The following DCC variants were observed in gnomAD, a reference collection of about 807,000 sequenced individuals.
DCC encodes the protein DCC netrin 1 receptor.
Under a neutral mutation model 172.5 loss-of-function variants are expected in DCC, and 58 were observed. The observed-to-expected ratio is 0.34, with a 90% CI of 0.27 to 0.42. The LOEUF (loss-of-function observed/expected upper bound fraction) is 0.42. Among genes scored for constraint, DCC ranks in the 10% least tolerant of loss-of-function variants. The pLI, the probability that DCC is intolerant of heterozygous loss-of-function variation, is 1.00. For missense variants in DCC, 1,740 were observed against 1,791.0 expected (o/e 0.97, Z 0.51); for synonymous variants, 709 against 644.5 (o/e 1.10, Z -1.52).
chr18:52,959,999 C>T (rs2040816066), intron 5 of DCC, among the ~76,000 whole-genome samples: 1 of 152,010 alleles, frequency 6.6e-6, no homozygotes, highest in Admixed American at 6.6e-5. Flanking sequence ...ATGCTAGACA[C>T]TGAAATTACC....
intron 2 of DCC, among the ~76,000 whole-genome samples, chr18:52,859,395 C>T (rs935046540): frequency 2.0e-5 from 3 of 152,046 alleles, no homozygotes; most frequent in Admixed American, 6.6e-5. Flanking sequence ...CATACACATG[C>T]GGAGGACCAC....
chr18:53,130,816 C>A (rs1382087555), intron 7 of DCC, among the ~76,000 whole-genome samples: 1 of 151,958 alleles, frequency 6.6e-6, no homozygotes, highest in Admixed American at 6.6e-5. Context: ...TTCCATAATC[C>A]TTGATTATGT....
intron 2 of DCC, among the ~76,000 whole-genome samples, chr18:52,877,724 G>A (rs1334989757): frequency 2.0e-5 from 3 of 151,578 alleles, no homozygotes; most frequent in Admixed American, 1.3e-4. Context: ...AATTAGTAAA[G>A]TTTTGGTAAC....
At chr18:52,571,976 A>G (rs2033307635) in intron 1 of DCC, among the ~76,000 whole-genome samples, 1 of 152,202 alleles carries the variant, frequency 6.6e-6, no homozygotes, top group Non-Finnish European at 1.5e-5. Flanking sequence ...CACACATAGA[A>G]CATATATATG....
intron 2 of DCC, among the ~76,000 whole-genome samples, chr18:52,842,684 G>C (rs2038826666): frequency 6.6e-6 from 1 of 152,084 alleles, no homozygotes; most frequent in African/African-American, 2.4e-5. Flanking sequence ...GGAGATGATG[G>C]GGTCCAGGAC....
chr18:53,480,433 T>G (rs969300338), intron 25 of DCC, among the ~76,000 whole-genome samples: 2 of 152,214 alleles, frequency 1.3e-5, no homozygotes, highest in African/African-American at 2.4e-5. Context: ...ATCTTTCTCA[T>G]GTCAAAAATC....
At chr18:53,114,431 A>G (rs2043380829) in intron 7 of DCC, among the ~76,000 whole-genome samples, 1 of 151,652 alleles carries the variant, frequency 6.6e-6, no homozygotes, top group African/African-American at 2.4e-5. Flanking sequence ...TCACATAAAA[A>G]AGTAATAGAG....
intron 6 of DCC, 128 bp downstream of exon 6, chr18:53,063,587 A>T (rs2144081637): frequency 2.8e-6 from 2 of 726,904 alleles, no homozygotes; most frequent in Admixed American, 2.7e-5. Context: ...TAAAAAAGTT[A>T]TTCAAATAAA....
intron 8 of DCC, among the ~76,000 whole-genome samples, chr18:53,174,703 G>A (rs1216144587): frequency 1.4e-5 from 2 of 146,364 alleles, no homozygotes; most frequent in African/African-American, 5.0e-5. Context: ...CAACCAAAAA[G>A]AGTCCAGGAC....
intron 1 of DCC, among the ~76,000 whole-genome samples, chr18:52,458,979 A>G (rs956914958): frequency 2.6e-5 from 4 of 152,158 alleles, no homozygotes; most frequent in African/African-American, 7.2e-5. Flanking sequence ...AACTTCTTCT[A>G]TACTAGGCCA....
intron 14 of DCC, among the ~76,000 whole-genome samples, chr18:53,333,488 G>A (rs1332354708): frequency 6.6e-6 from 1 of 152,242 alleles, no homozygotes; most frequent in Non-Finnish European, 1.5e-5. Context: ...ATAGCAGGCA[G>A]TATGTGGTGG....
chr18:52,587,042 G>A (rs999471432), intron 1 of DCC, among the ~76,000 whole-genome samples: 4 of 152,224 alleles, frequency 2.6e-5, no homozygotes, highest in African/African-American at 9.6e-5. Flanking sequence ...AGCACTGGGT[G>A]CAGGATAATC....
At chr18:53,346,458 T>C (rs2057726549) in intron 15 of DCC, among the ~76,000 whole-genome samples, 1 of 152,204 alleles carries the variant, frequency 6.6e-6, no homozygotes, top group Admixed American at 6.5e-5. Flanking sequence ...ACAACTGTGA[T>C]GTTTTCTTTC....
At chr18:52,711,153 CTATT>C (rs1328672089) in intron 1 of DCC, among the ~76,000 whole-genome samples, 7 of 152,046 alleles carry the variant, frequency 4.6e-5, no homozygotes, top group African/African-American at 1.7e-4. Context: ...TCCTACAGAC[CTATT>C]TATTTATTTA....
At chr18:53,099,154 T>C (rs938427709) in intron 7 of DCC, among the ~76,000 whole-genome samples, 2 of 152,162 alleles carry the variant, frequency 1.3e-5, no homozygotes, top group Non-Finnish European at 2.9e-5. Context: ...TACTAATAAG[T>C]TGCCAAATGG....
At chr18:52,482,444 C>T (rs1231936685) in intron 1 of DCC, among the ~76,000 whole-genome samples, 3 of 152,120 alleles carry the variant, frequency 2.0e-5, no homozygotes, top group Admixed American at 1.3e-4. Context: ...GTGTAAACAA[C>T]GAACATGTAC....
chr18:53,075,076 T>C (rs541087780), intron 7 of DCC, among the ~76,000 whole-genome samples: 23 of 149,554 alleles, frequency 1.5e-4, no homozygotes, highest in Non-Finnish European at 2.7e-4. Flanking sequence ...AAATGATAGC[T>C]TTCTTCTAGC....
intron 18 of DCC, among the ~76,000 whole-genome samples, chr18:53,399,602 A>T (rs1909175070): frequency 6.6e-6 from 1 of 152,096 alleles, no homozygotes; most frequent in Non-Finnish European, 1.5e-5. Context: ...GGAAAAAATG[A>T]GAGCCAAAGA....
intron 26 of DCC, among the ~76,000 whole-genome samples, chr18:53,495,741 T>G (rs2046014630): frequency 6.6e-6 from 1 of 152,214 alleles, no homozygotes; most frequent in African/African-American, 2.4e-5. Context: ...TCCCCGTCAC[T>G]TTCAGGTACA....
Sources: allele counts gnomAD v4.1 joint callset (sites outside exome capture counted in the v4.1 genomes callset), GRCh38; gene constraint gnomAD v4.1.1; transcripts MANE v1.5; gene names NCBI Gene and HGNC (gene_info 2026-07-23, HGNC 2026-07-21).